Variants in MYT1L observed in about 807,000 individuals in gnomAD.
The protein encoded by MYT1L is myelin transcription factor 1-like protein.
In MYT1L, 12 loss-of-function variants were observed where a neutral mutation model predicts 126.7. The ratio of observed to expected loss-of-function variants is 0.09; its 90% confidence interval spans 0.06 to 0.15. The LOEUF is 0.15. Among genes scored for constraint, MYT1L ranks in the 10% least tolerant of loss-of-function variants. The pLI, the probability that MYT1L is intolerant of heterozygous loss-of-function variation, is 1.00. For missense variants in MYT1L, 979 were observed against 1,585.2 expected, an observed-to-expected ratio of 0.62 and a Z score of 6.49; for synonymous variants, 541 against 604.2, an observed-to-expected ratio of 0.90 and a Z score of 1.53.
intron 3 of MYT1L, among the ~76,000 whole-genome samples, chr2:2,090,660 A>C (rs2076826501): frequency 6.6e-6 from 1 of 152,220 alleles, no homozygotes; most frequent in Non-Finnish European, 1.5e-5. Flanking sequence ...CTATTTCCAC[A>C]TCTTCCTTTC....
rs149487134 is a variant in MYT1L, at chr2:2,236,875, G to A, written c.-421+47529C>T. Among the ~76,000 whole-genome samples, 360 of 148,692 alleles carry A rather than the reference G, an allele frequency of 2.4e-3. 4 individuals carry two copies. Among genetic ancestry groups the A allele is most frequent in the African/African-American group, 8.4e-3 (339 of 40,346 alleles). ...GTTGCCCAGGCTGGAATGCAATGGC[G>A]TGATCTCGGCTCACTGTAACCTCTG... On this transcript the variant is annotated intron_variant, in intron 2 of 24. Transcript: ENST00000647738.
chr2:2,148,085 C>T (rs945906556), intron 3 of MYT1L, among the ~76,000 whole-genome samples: 3 of 152,166 alleles, frequency 2.0e-5, no homozygotes, highest in Non-Finnish European at 2.9e-5. Context: ...TCACACCTCT[C>T]ATCCTCCAGG....
chr2:2,285,814 G>C (rs1028691355), intron 1 of MYT1L, among the ~76,000 whole-genome samples: 14 of 152,126 alleles, frequency 9.2e-5, no homozygotes, highest in Non-Finnish European at 1.8e-4. Context: ...CCTGTACATT[G>C]GCTCAAGATG....
intron 2 of MYT1L, among the ~76,000 whole-genome samples, chr2:2,277,096 C>T (rs752893767): frequency 3.9e-5 from 6 of 152,118 alleles, no homozygotes; most frequent in Admixed American, 1.3e-4. Flanking sequence ...ATTCTCCTGC[C>T]TCAGTCACTC....
chr2:1,969,999 C>T (rs1410746818), intron 8 of MYT1L, among the ~76,000 whole-genome samples: 2 of 152,194 alleles, frequency 1.3e-5, no homozygotes, highest in Non-Finnish European at 2.9e-5. Flanking sequence ...ACACCAGTAT[C>T]TTATTGAAGC....
intron 8 of MYT1L, among the ~76,000 whole-genome samples, chr2:1,978,237 G>A (rs1311371390): frequency 2.0e-5 from 3 of 152,218 alleles, no homozygotes; most frequent in African/African-American, 7.2e-5. Flanking sequence ...CCTCCCAGAT[G>A]TGCGGCAGAT....
At chr2:2,098,361 C>T (rs2077682151) in intron 3 of MYT1L, among the ~76,000 whole-genome samples, 1 of 152,188 alleles carries the variant, frequency 6.6e-6, no homozygotes, top group Non-Finnish European at 1.5e-5. Context: ...GGAGATTAAA[C>T]CCAAGTACCA....
chr2:1,874,480 C>T (rs930146802), intron 18 of MYT1L, among the ~76,000 whole-genome samples: 1 of 152,190 alleles, frequency 6.6e-6, no homozygotes, highest in African/African-American at 2.4e-5. Context: ...CTCTCCCCTG[C>T]TGTGGGGAGG....
intron 3 of MYT1L, among the ~76,000 whole-genome samples, chr2:2,129,337 C>T (rs1304234159): frequency 6.6e-6 from 1 of 152,154 alleles, no homozygotes; most frequent in Non-Finnish European, 1.5e-5. Context: ...AAATATCATG[C>T]TCTTCTGGAT....
intron 5 of MYT1L, among the ~76,000 whole-genome samples, chr2:1,986,756 C>T (rs1338109496): frequency 1.3e-5 from 2 of 152,114 alleles, no homozygotes; most frequent in Non-Finnish European, 2.9e-5. Flanking sequence ...ACTTTGGAGG[C>T]CTCATCTCAG....
intron 2 of MYT1L, among the ~76,000 whole-genome samples, chr2:2,217,155 C>T (rs983670613): frequency 6.0e-4 from 91 of 152,248 alleles, no homozygotes; most frequent in African/African-American, 2.2e-3. Flanking sequence ...TACTTGTCAA[C>T]TCATTCTATG....
Position 2,180,938 on chromosome 2 carries a change from C to G in MYT1L, c.-420-7950G>C, listed in dbSNP as rs542843246. 3.9e-4 allele frequency among the ~76,000 whole-genome samples: 58 copies of G among 149,428 alleles called. 2 individuals are homozygous for G. The highest frequency in any genetic ancestry group is 1.4e-3 in the African/African-American group (55 of 40,406). On this transcript the variant is annotated intron_variant, in intron 2 of 24. Transcript: ENST00000647738. ...CCTGTGTGTGCACCTGTATCTGTAC[C>G]TGCATGTGCCTGTGTGTGCACCTGT...
At chr2:2,190,345 C>T (rs2148731129) in intron 2 of MYT1L, among the ~76,000 whole-genome samples, 1 of 152,018 alleles carries the variant, frequency 6.6e-6, no homozygotes, top group Middle Eastern at 3.4e-3. Context: ...GTCCCAGCTA[C>T]TCGGGAGGCT....
At chr2:2,168,774 C>T (rs2089558965) in intron 3 of MYT1L, among the ~76,000 whole-genome samples, 2 of 152,170 alleles carry the variant, frequency 1.3e-5, no homozygotes, top group African/African-American at 4.8e-5. Flanking sequence ...GCTTCTGCTA[C>T]CTGAGAGCAA....
intron 3 of MYT1L, among the ~76,000 whole-genome samples, chr2:2,141,787 C>A (rs1459369055): frequency 6.6e-6 from 1 of 152,132 alleles, no homozygotes; most frequent in Non-Finnish European, 1.5e-5. Context: ...GAACGAAGAA[C>A]AAGACTCAGC....
intron 4 of MYT1L, among the ~76,000 whole-genome samples, chr2:2,031,403 C>G (rs1438763732): frequency 6.7e-6 from 1 of 148,538 alleles, no homozygotes; most frequent in East Asian, 2.0e-4. Flanking sequence ...CTCCCAAGTG[C>G]CTCTCATCCT....
chr2:1,850,229 TTCC>T (rs1325164378), intron 19 of MYT1L, among the ~76,000 whole-genome samples: 2 of 96,708 alleles, frequency 2.1e-5, no homozygotes, highest in Admixed American at 1.0e-4. Flanking sequence ...CCTTCCTTCC[TTCC>T]TTCCTTCCTT....
rs559881229 is a variant in MYT1L at position 2,202,628 on chromosome 2, T to C, written c.-420-29640A>G. 1.9e-3 allele frequency among the ~76,000 whole-genome samples: 294 copies of C among 152,208 alleles called. 1 individual carries two copies. The highest frequency in any genetic ancestry group is 6.8e-3 in the African/African-American group (282 of 41,528). On this transcript the variant is annotated intron_variant, in intron 2 of 24. Coordinates refer to ENST00000647738, the MANE Select transcript of MYT1L (RefSeq NM_001303052.2). ...CAGGCTCTGAAATTGAGGCAATAAT[T>C]AATAGCTTACCAACCAAAAAATGTT...
intron 8 of MYT1L, among the ~76,000 whole-genome samples, chr2:1,964,091 G>A (rs1348995132): frequency 1.3e-5 from 2 of 152,166 alleles, no homozygotes; most frequent in African/African-American, 4.8e-5. Flanking sequence ...TGAACACTTA[G>A]AGGCCATTGT....
Sources: gnomAD v4.1 joint callset for allele counts (sites outside exome capture counted in the v4.1 genomes callset) on GRCh38, gnomAD v4.1.1 for gene constraint, MANE v1.5 for transcripts, NCBI Gene and HGNC (gene_info 2026-07-23, HGNC 2026-07-21) for gene names.